Variants in NAV3 observed in about 807,000 individuals in gnomAD.
NAV3 encodes neuron navigator 3.
A neutral mutation model predicts 244.7 loss-of-function variants in NAV3; 87 were observed. That is an observed-to-expected ratio of 0.36 (90% CI 0.30 to 0.42). The LOEUF (loss-of-function observed/expected upper bound fraction) is 0.42. Ranked by LOEUF, NAV3 falls within the 20% of genes least tolerant of loss-of-function variation. NAV3 has a pLI of 1.00. For synonymous variants in NAV3, 1,126 were observed against 1,042.2 expected (o/e 1.08, Z -1.55); for missense variants, 2,663 against 2,893.3 (o/e 0.92, Z 1.83).
In NAV3 at chr12:78,197,748, A is replaced by G. The variant is rs993377174; in HGVS notation, c.6446+347A>G. On this transcript the variant is annotated intron_variant, in intron 35 of 39. Coordinates refer to ENST00000397909, the MANE Select transcript of NAV3 (RefSeq NM_001024383.2). ...ATATCTATGTATTCATTCAACAACC[A>G]TATCCCAGGCACTCTTATGGAAACA... 3.3e-5 allele frequency among the ~76,000 whole-genome samples: 5 copies of G among 151,898 alleles called. No individual in the cohort carries two copies. The East Asian group carries it at 7.7e-4, about 23-fold the overall frequency.
At position 78,005,672 on chromosome 12, in the gene NAV3, A is replaced by T. The variant is rs148215731; in HGVS notation, c.881-747A>T. The stretch of plus-strand genomic sequence containing the variant: ...AGAGCTTGGGCTGTAGAGTGACAAG[A>T]TGTGGGGTCAAAGCCTAGCTCCACC... On this transcript the variant is annotated intron_variant, in intron 7 of 39. Coordinates refer to ENST00000397909, the MANE Select transcript of NAV3 (RefSeq NM_001024383.2). Among the ~76,000 whole-genome samples the T allele has an allele frequency of 1.3e-3, 203 of 152,270 alleles. 2 individuals carry two copies. The highest frequency in any genetic ancestry group is 4.5e-3 in the African/African-American group (188 of 41,546).
chr12:78,133,020 T>C (rs1371392313), intron 18 of NAV3, among the ~76,000 whole-genome samples: 2 of 152,212 alleles, frequency 1.3e-5, no homozygotes, highest in Admixed American at 1.3e-4. Flanking sequence ...GTCTCTCATT[T>C]TCAGGGACAT....
chr12:78,144,696 CTTGA>C (rs1423926469), intron 20 of NAV3, among the ~76,000 whole-genome samples: 19 of 151,424 alleles, frequency 1.3e-4, no homozygotes, highest in African/African-American at 4.6e-4. Flanking sequence ...GAGTATATTT[CTTGA>C]TTATTTTTTA....
intron 2 of NAV3, among the ~76,000 whole-genome samples, chr12:77,663,036 A>G (rs1251413813): frequency 6.6e-6 from 1 of 152,216 alleles, no homozygotes; most frequent in Non-Finnish European, 1.5e-5. Flanking sequence ...TACAACAATA[A>G]TACATCTATT....
chr12:78,102,698 TCTAGGTGGAGGTTCCCAAAC>T (rs1954596607), intron 12 of NAV3, among the ~76,000 whole-genome samples: 2 of 152,204 alleles, frequency 1.3e-5, no homozygotes. Context: ...ACATCTGAAA[TCTAGGTGGAGGTTCCCAAAC>T]CTCGATTCTT....
chr12:78,055,714 G>A (rs1883398623), intron 11 of NAV3, among the ~76,000 whole-genome samples: 1 of 152,174 alleles, frequency 6.6e-6, no homozygotes, highest in African/African-American at 2.4e-5. Flanking sequence ...GATTTTGTAT[G>A]TATCAGGCCT....
At chr12:78,186,889 C>T (rs959009379) in intron 31 of NAV3, among the ~76,000 whole-genome samples, 12 of 151,834 alleles carry the variant, frequency 7.9e-5, no homozygotes, top group Admixed American at 6.6e-5. Flanking sequence ...CATGCTGTGT[C>T]TTCACACAGT....
chr12:77,648,553 C>T (rs1404227092), intron 2 of NAV3, among the ~76,000 whole-genome samples: 1 of 152,050 alleles, frequency 6.6e-6, no homozygotes, highest in Admixed American at 6.6e-5. Context: ...CTGCTTCCTG[C>T]TTATGGCACA....
chr12:77,685,006 A>T (rs941704963), intron 2 of NAV3, among the ~76,000 whole-genome samples: 5 of 152,178 alleles, frequency 3.3e-5, no homozygotes, highest in Admixed American at 1.3e-4. Context: ...ATGTATCCTA[A>T]TACCAATGTC....
At chr12:77,640,461 C>T (rs1243821168) in intron 2 of NAV3, among the ~76,000 whole-genome samples, 1 of 152,138 alleles carries the variant, frequency 6.6e-6, no homozygotes, top group African/African-American at 2.4e-5. Context: ...CATCATGCTA[C>T]TCTGTGTTCC....
At chr12:77,871,850 G>T (rs1416835036) in intron 1 of NAV3, among the ~76,000 whole-genome samples, 1 of 152,124 alleles carries the variant, frequency 6.6e-6, no homozygotes, top group Non-Finnish European at 1.5e-5. Context: ...CTAGATCCTT[G>T]AGGAATTGCC....
At chr12:77,748,046 TA>T (rs561371327) in intron 2 of NAV3, among the ~76,000 whole-genome samples, 192 of 151,978 alleles carry the variant, frequency 1.3e-3, no homozygotes, top group African/African-American at 3.8e-3. Flanking sequence ...AAAATAAAAA[TA>T]AAAAAAATTG....
intron 1 of NAV3, among the ~76,000 whole-genome samples, chr12:77,854,931 T>C (rs1012754276): frequency 2.6e-5 from 4 of 151,992 alleles, no homozygotes; most frequent in African/African-American, 9.7e-5. Flanking sequence ...ATTGAGACCA[T>C]CCTGGCTAAC....
At chr12:78,202,861 A>G (rs1464326396) in intron 38 of NAV3, among the ~76,000 whole-genome samples, 1 of 152,104 alleles carries the variant, frequency 6.6e-6, no homozygotes, top group Non-Finnish European at 1.5e-5. Flanking sequence ...CAAAGGAATT[A>G]TATCTGTCGT....
chr12:77,860,094 G>C (rs1373922235), intron 1 of NAV3, among the ~76,000 whole-genome samples: 1 of 151,796 alleles, frequency 6.6e-6, no homozygotes, highest in Non-Finnish European at 1.5e-5. Context: ...GAAGAATATT[G>C]TAAGTAGCAT....
chr12:77,909,666 C>G (rs1220896648), intron 1 of NAV3, among the ~76,000 whole-genome samples: 4 of 151,910 alleles, frequency 2.6e-5, no homozygotes, highest in Non-Finnish European at 5.9e-5. Context: ...CTTATAAGAT[C>G]CAATGGAAAT....
intron 1 of NAV3, among the ~76,000 whole-genome samples, chr12:77,897,649 A>G (rs1026237770): frequency 4.0e-5 from 6 of 149,472 alleles, no homozygotes; most frequent in African/African-American, 1.5e-4. Flanking sequence ...CATGAGTTGT[A>G]CCTATAGTCT....
rs144575190 is a variant in NAV3 at position 77,626,761 on chromosome 12, C to T, written c.72+54495C>T. 5.4e-3 allele frequency among the ~76,000 whole-genome samples: 829 copies of T among 152,242 alleles called. 7 individuals carry two copies. The highest frequency in any genetic ancestry group is 0.019 in the African/African-American group (783 of 41,556). Reference sequence around the variant, plus strand: ...AAAGTCTTCCCCAGACAAGGAAAAACAGGGAACTCATCTCCATTAGACCAG... The same window carrying T: ...AAAGTCTTCCCCAGACAAGGAAAAATAGGGAACTCATCTCCATTAGACCAG... On this transcript the variant is annotated intron_variant, in intron 2 of 8. Transcript: ENST00000550042.
At chr12:77,910,001 A>T (rs1886410093) in intron 1 of NAV3, among the ~76,000 whole-genome samples, 2 of 152,066 alleles carry the variant, frequency 1.3e-5, no homozygotes, top group South Asian at 4.1e-4. Context: ...TAATATTTCG[A>T]TGTTAAGATT....
Sources: gnomAD v4.1 joint callset for allele counts (sites outside exome capture counted in the v4.1 genomes callset) on GRCh38, gnomAD v4.1.1 for gene constraint, MANE v1.5 for transcripts, NCBI Gene and HGNC (gene_info 2026-07-23, HGNC 2026-07-21) for gene names.